CCDC171: variants seen among roughly 807,000 people sequenced by gnomAD.
CCDC171 encodes the protein coiled-coil domain containing 171.
Under a neutral mutation model 168.2 loss-of-function variants are expected in CCDC171, and 177 were observed. The observed-to-expected ratio is 1.05, with a 90% confidence interval of 0.93 to 1.19. The LOEUF is 1.19. Among genes scored for constraint, CCDC171 ranks in the 50% most tolerant of loss-of-function variants. The pLI, the probability that CCDC171 is intolerant of heterozygous loss-of-function variation, is 0.00. For synonymous variants in CCDC171, 687 were observed against 540.8 expected, an observed-to-expected ratio of 1.27 and a Z score of -3.75; for missense variants, 1,991 against 1,539.0, an observed-to-expected ratio of 1.29 and a Z score of -4.91.
chr9:15,648,322 C>G (rs1340441429), intron 7 of CCDC171, among the ~76,000 whole-genome samples: 3 of 152,134 alleles, frequency 2.0e-5, no homozygotes, highest in Admixed American at 2.0e-4. Context: ...GAAGCATTCC[C>G]TTTGAAAACT....
intron 7 of CCDC171, 59 bp downstream of exon 7, chr9:15,623,472 C>CGCGCGCGT: frequency 2.7e-6 from 2 of 736,592 alleles, no homozygotes; most frequent in Non-Finnish European, 2.1e-6. Context: ...TATGCGCGCG[C>CGCGCGCGT]GCGCACACAC....
intron 1 of CCDC171, among the ~76,000 whole-genome samples, chr9:16,056,941 T>TA (rs1223899058): frequency 6.6e-6 from 1 of 152,230 alleles, no homozygotes; most frequent in Non-Finnish European, 1.5e-5. Context: ...GATTTCAAAA[T>TA]AGAGAATGTA....
chr9:15,839,799 T>C (rs1006186855), intron 21 of CCDC171, among the ~76,000 whole-genome samples: 3 of 152,068 alleles, frequency 2.0e-5, no homozygotes, highest in Admixed American at 6.6e-5. Flanking sequence ...TGTCTAGAAT[T>C]TTTTCCCCCA....
At chr9:15,590,821 C>CTTTA (rs2041948047) in intron 4 of CCDC171, among the ~76,000 whole-genome samples, 1 of 131,500 alleles carries the variant, frequency 7.6e-6, no homozygotes, top group Admixed American at 7.8e-5. Flanking sequence ...TTCTTTCTTT[C>CTTTA]TTTCTTTCTT....
intron 3 of CCDC171, among the ~76,000 whole-genome samples, chr9:15,996,529 G>A (rs570349036): frequency 2.7e-5 from 4 of 149,066 alleles, no homozygotes; most frequent in Non-Finnish European, 1.5e-5. Context: ...TGGAATTTTC[G>A]ACTTGTGGCA....
chr9:15,664,508 C>T (rs551687089), intron 8 of CCDC171, among the ~76,000 whole-genome samples: 33 of 150,538 alleles, frequency 2.2e-4, no homozygotes, highest in Non-Finnish European at 4.3e-4. Flanking sequence ...CTTGGCCTCC[C>T]GGAGTGTTGG....
At chr9:15,557,999 G>A (rs1029141692) in intron 1 of CCDC171, among the ~76,000 whole-genome samples, 1 of 152,098 alleles carries the variant, frequency 6.6e-6, no homozygotes, top group Non-Finnish European at 1.5e-5. Context: ...AGATAATCAT[G>A]TGGTTTTTGT....
chr9:15,576,646 A>T (rs553759118), intron 3 of CCDC171, among the ~76,000 whole-genome samples: 1 of 152,316 alleles, frequency 6.6e-6, no homozygotes, highest in Non-Finnish European at 1.5e-5. Context: ...ATTGTAGGCT[A>T]ATGTCGAATT....
intron 21 of CCDC171, among the ~76,000 whole-genome samples, chr9:15,810,569 G>C (rs913480663): frequency 2.0e-5 from 3 of 152,180 alleles, no homozygotes; most frequent in African/African-American, 2.4e-5. Flanking sequence ...GCTGAGGCCC[G>C]GCGACAATTT....
intron 18 of CCDC171, among the ~76,000 whole-genome samples, chr9:15,767,950 G>T (rs901304141): frequency 6.7e-6 from 1 of 148,760 alleles, no homozygotes; most frequent in African/African-American, 2.5e-5. Context: ...GTCCAGGCTG[G>T]TCTTGAACTC....
chr9:16,017,570 A>G (rs1170232620), intron 3 of CCDC171, among the ~76,000 whole-genome samples: 2 of 152,186 alleles, frequency 1.3e-5, no homozygotes, highest in African/African-American at 4.8e-5. Context: ...CTTAATTCTT[A>G]TTACCTCATC....
At chr9:15,557,240 A>G (rs1292559642) in intron 1 of CCDC171, among the ~76,000 whole-genome samples, 3 of 152,192 alleles carry the variant, frequency 2.0e-5, no homozygotes, top group East Asian at 1.9e-4. Context: ...TTTTGGTTCC[A>G]TATGAATTTT....
At chr9:15,618,930 C>T (rs1384025742) in intron 6 of CCDC171, among the ~76,000 whole-genome samples, 4 of 152,058 alleles carry the variant, frequency 2.6e-5, no homozygotes, top group Admixed American at 2.0e-4. Flanking sequence ...CTGGGAGCTG[C>T]AGACTGCCGC....
chr9:16,095,931 G>A, the CCDC171 span, among the ~76,000 whole-genome samples: 2 of 140,840 alleles, frequency 1.4e-5, no homozygotes, highest in Non-Finnish European at 3.1e-5. Flanking sequence ...ATGATATAGG[G>A]GTATGTCTAT....
intron 23 of CCDC171, among the ~76,000 whole-genome samples, chr9:15,871,109 A>C (rs2062020291): frequency 6.6e-6 from 1 of 151,680 alleles, no homozygotes; most frequent in African/African-American, 2.4e-5. Context: ...TCTAAAAATC[A>C]AAATTTTAGA....
At chr9:15,588,343 A>G in intron 4 of CCDC171, 1 of 233,864 alleles carries the variant, frequency 4.3e-6, no homozygotes, top group Admixed American at 5.6e-5. Flanking sequence ...ACGTCTTAGC[A>G]GCATTACCAC....
Position 15,623,475 on chromosome 9 carries a change from G to GCGCGCGCGCGCGCGCACA in CCDC171, c.822+63_822+64insGCGCGCGCGCGCGCACAC. On this transcript the variant is annotated intron_variant, in intron 7 of 25. Transcript: ENST00000380701. ...CAAACTTTCACATATGCGCGCGCGCGCACACACACACACACACACACACAC... is the reference window on the plus strand; with the variant it reads ...CAAACTTTCACATATGCGCGCGCGCGCGCGCGCGCGCGCGCACACACACACACACACACACACACACAC... 1.5e-3 allele frequency: 480 copies of GCGCGCGCGCGCGCGCACA among 315,428 alleles called. 2 individuals carry two copies. Among genetic ancestry groups the GCGCGCGCGCGCGCGCACA allele is most frequent in the Admixed American group, 3.0e-3 (60 of 19,762 alleles). 19.5% of individuals were successfully genotyped at this position (315,428 alleles called of 1,614,324 possible). A position where few individuals can be genotyped will look rare whatever the true frequency, so the allele number is the denominator to read the frequency against.
intron 9 of CCDC171, among the ~76,000 whole-genome samples, chr9:15,672,670 G>A (rs2049209502): frequency 1.3e-5 from 2 of 152,150 alleles, no homozygotes; most frequent in African/African-American, 4.8e-5. Flanking sequence ...TAGATGTGTG[G>A]TGTTATTTCT....
intron 24 of CCDC171, among the ~76,000 whole-genome samples, chr9:15,908,733 G>T (rs1683947934): frequency 6.6e-6 from 1 of 152,050 alleles, no homozygotes; most frequent in Admixed American, 6.6e-5. Context: ...AGGCTTCTAG[G>T]GAAGCTTCAG....
Sources: allele counts gnomAD v4.1 joint callset (sites outside exome capture counted in the v4.1 genomes callset), GRCh38; gene constraint gnomAD v4.1.1; transcripts MANE v1.5; gene names NCBI Gene and HGNC (gene_info 2026-07-23, HGNC 2026-07-21).